Variants in DAPK2 observed in about 807,000 individuals in gnomAD.
The protein encoded by DAPK2 is death associated protein kinase 2, also known as death-associated protein kinase 2.
A neutral mutation model predicts 44.1 loss-of-function variants in DAPK2; 35 were observed. The observed-to-expected ratio is 0.79, with a 90% confidence interval of 0.61 to 1.05. DAPK2 has a LOEUF of 1.05. DAPK2 is among the 50% of genes least tolerant of loss of function. The probability of loss-of-function intolerance (pLI) is 0.00; values close to 1 mark genes in which losing one functional copy is unlikely to be tolerated. For missense variants in DAPK2, 453 were observed against 483.2 expected (o/e 0.94, Z 0.59); for synonymous variants, 174 against 182.6 (o/e 0.95, Z 0.38).
intron 1 of DAPK2, among the ~76,000 whole-genome samples, chr15:64,022,872 T>C (rs1210084905): frequency 6.6e-6 from 1 of 152,148 alleles, no homozygotes; most frequent in East Asian, 1.9e-4. Flanking sequence ...GCACAGTCCC[T>C]CAAAGGGGGT....
intron 3 of DAPK2, among the ~76,000 whole-genome samples, chr15:63,965,203 C>T (rs561667166): frequency 1.3e-5 from 2 of 152,338 alleles, no homozygotes; most frequent in African/African-American, 4.8e-5. Flanking sequence ...GTGGTTCTTG[C>T]AGACTTGTAA....
chr15:63,934,402 A>T (rs1013682287), intron 4 of DAPK2, among the ~76,000 whole-genome samples: 8 of 151,532 alleles, frequency 5.3e-5, no homozygotes, highest in Admixed American at 6.6e-5. Flanking sequence ...GATTACAGGC[A>T]CCCACCACCA....
chr15:63,953,003 T>C lies in DAPK2; in HGVS notation c.454-13642A>G, dbSNP rs533718760. 2.6e-5 allele frequency among the ~76,000 whole-genome samples: 4 copies of C among 152,116 alleles called. No homozygotes were observed. The South Asian group carries it at 8.3e-4, about 32-fold the overall frequency. ...CTGGCAACCAGAAATTTTATTTCCATGGGCTTTGGGGGAACAGGTGGTGTT... is the reference window on the plus strand; with the variant it reads ...CTGGCAACCAGAAATTTTATTTCCACGGGCTTTGGGGGAACAGGTGGTGTT... On this transcript the variant is annotated intron_variant, in intron 3 of 10. Coordinates refer to ENST00000261891, the Ensembl canonical transcript of DAPK2.
upstream of DAPK2, among the ~76,000 whole-genome samples, chr15:64,042,503 C>T (rs1385836918): frequency 3.9e-5 from 6 of 152,114 alleles, no homozygotes; most frequent in African/African-American, 1.4e-4. This position sits in a 1 kb window ranked among gnomAD's most constrained non-coding sequence, Gnocchi z 4.7. Flanking sequence ...CTAAGATCTC[C>T]CATTTGGTGA....
rs550500109 is a variant in DAPK2, at chr15:64,000,070, G to A, written c.93-16316C>T. ...TGAGCCACCACACCCGATCAATAAC[G>A]TTTTCAAATAAGCCTTACATAGATG... On this transcript the variant is annotated intron_variant, in intron 1 of 10. Transcript: ENST00000261891. Among the ~76,000 whole-genome samples, 14 of 152,100 alleles carry A rather than the reference G, an allele frequency of 9.2e-5. No individual in the cohort carries two copies. In the East Asian group the frequency reaches 1.7e-3, roughly 19 times the overall value.
chr15:64,034,843 A>G (rs1011905533), intron 1 of DAPK2, among the ~76,000 whole-genome samples: 1 of 152,222 alleles, frequency 6.6e-6, no homozygotes, highest in South Asian at 2.1e-4. Context: ...CAACAGAAAC[A>G]TCTTATGATT....
chr15:63,936,705 G>A (rs899790103), intron 4 of DAPK2, among the ~76,000 whole-genome samples: 1 of 151,800 alleles, frequency 6.6e-6, no homozygotes, highest in Non-Finnish European at 1.5e-5. Context: ...TGTAAGCCGG[G>A]CATGGTGGTT....
intron 1 of DAPK2, 76 bp from the exon 3 acceptor site, chr15:63,983,830 G>C: frequency 7.1e-7 from 1 of 1,398,960 alleles, no homozygotes; most frequent in Non-Finnish European, 9.8e-7. Context: ...CAGCTACCAG[G>C]TCACACAAAT....
intron 3 of DAPK2, among the ~76,000 whole-genome samples, chr15:63,944,885 C>T (rs985788344): frequency 2.0e-5 from 3 of 152,158 alleles, no homozygotes; most frequent in African/African-American, 7.2e-5. Flanking sequence ...TTGCCTGTAC[C>T]TGCTCTATAT....
At chr15:63,944,660 G>A (rs1046029795) in intron 3 of DAPK2, among the ~76,000 whole-genome samples, 2 of 152,192 alleles carry the variant, frequency 1.3e-5, no homozygotes, top group African/African-American at 4.8e-5. Context: ...TTGCCAAGGT[G>A]CAACAGCTTG....
At chr15:63,933,328 C>T (rs1247932849) in intron 4 of DAPK2, among the ~76,000 whole-genome samples, 1 of 152,174 alleles carries the variant, frequency 6.6e-6, no homozygotes, top group African/African-American at 2.4e-5. Flanking sequence ...ATCGCAACCT[C>T]CACCTCCTGG....
chr15:64,003,771 A>AT (rs1243079578), intron 1 of DAPK2, among the ~76,000 whole-genome samples: 2 of 151,898 alleles, frequency 1.3e-5, no homozygotes, highest in African/African-American at 4.8e-5. Flanking sequence ...ACACCTGGCT[A>AT]TTTTTTGTAT....
At chr15:63,973,452 C>T (rs2078266960) in intron 2 of DAPK2, among the ~76,000 whole-genome samples, 1 of 152,228 alleles carries the variant, frequency 6.6e-6, no homozygotes, top group Non-Finnish European at 1.5e-5. Flanking sequence ...GGCTCAGAAC[C>T]TGTCACTCCT....
At chr15:63,971,653 AC>A in intron 2 of DAPK2, 92 bp from the exon 4 acceptor site, 1 of 1,417,488 alleles carries the variant, frequency 7.1e-7, no homozygotes, top group Non-Finnish European at 9.6e-7. Flanking sequence ...CCTCATCCTG[AC>A]CCCCCAGGGA....
chr15:63,922,770 A>G, intron 8 of DAPK2: 1 of 1,533,334 alleles, frequency 6.5e-7, no homozygotes, highest in Non-Finnish European at 8.7e-7. Context: ...TCCTCAGTGC[A>G]TGATCTGCTG....
chr15:63,923,805 G>A lies in DAPK2; in HGVS notation c.858+1011C>T, dbSNP rs1330526796. Among the ~76,000 whole-genome samples the A allele has an allele frequency of 3.9e-5, 6 of 152,326 alleles. No homozygotes were observed. The highest frequency in any genetic ancestry group is 3.9e-4 in the Admixed American group (6 of 15,304). ...TTCCCAGACGACTCCAGCCCTCCCTGTTCTGTCTTCCACAGGCCTCACCTT... is the reference window on the plus strand; with the variant it reads ...TTCCCAGACGACTCCAGCCCTCCCTATTCTGTCTTCCACAGGCCTCACCTT... On this transcript the variant is annotated intron_variant, in intron 8 of 10. Transcript: ENST00000261891. The surrounding 1 kb of genome is among the most constrained non-coding windows in gnomAD (Gnocchi z 4.2).
At chr15:64,026,514 G>T (rs2079851536) in intron 1 of DAPK2, among the ~76,000 whole-genome samples, 1 of 152,184 alleles carries the variant, frequency 6.6e-6, no homozygotes, top group African/African-American at 2.4e-5. Flanking sequence ...AAAGTGCTGG[G>T]ATTACAGGAG....
chr15:63,976,717 C>A (rs556355404), intron 2 of DAPK2, among the ~76,000 whole-genome samples: 8 of 152,096 alleles, frequency 5.3e-5, no homozygotes, highest in South Asian at 2.1e-4. Flanking sequence ...AACAAACAAA[C>A]AAAAAAACAG....
chr15:64,042,303 G>T (rs1047155817), upstream of DAPK2, among the ~76,000 whole-genome samples: 3 of 152,078 alleles, frequency 2.0e-5, no homozygotes, highest in Non-Finnish European at 4.4e-5. This position sits in a 1 kb window ranked among gnomAD's most constrained non-coding sequence, Gnocchi z 4.7. Context: ...AATCTCCCAA[G>T]ACTGGCCCAG....
Sources: allele counts gnomAD v4.1 joint callset (sites outside exome capture counted in the v4.1 genomes callset), GRCh38; gene constraint gnomAD v4.1.1; non-coding constraint Gnocchi (gnomAD v3.1); transcripts MANE v1.5; gene names NCBI Gene and HGNC (gene_info 2026-07-23, HGNC 2026-07-21).